Variants in CRAMP1 observed in about 807,000 individuals in gnomAD.
The protein encoded by CRAMP1 is protein cramped-like.
CRAMP1 carries 50 observed loss-of-function variants against 115.4 expected under a neutral mutation model. The ratio of observed to expected loss-of-function variants is 0.43; its 90% CI spans 0.35 to 0.55. The LOEUF (loss-of-function observed/expected upper bound fraction) is 0.55, where lower values mean the gene tolerates loss of function less well. Ranked by LOEUF, CRAMP1 falls within the 20% of genes least tolerant of loss-of-function variation. CRAMP1 has a pLI of 0.01. For synonymous variants in CRAMP1, 866 were observed against 745.4 expected (o/e 1.16, Z -2.64); for missense variants, 1,679 against 1,721.7 (o/e 0.98, Z 0.44).
rs1039207750 is a variant in CRAMP1, at chr16:1,652,591, TG to T, written c.913+14del. The T allele has an allele frequency of 2.6e-6, 4 of 1,551,594 alleles. No homozygotes were observed. Among genetic ancestry groups the T allele is most frequent in the Admixed American group, 2.0e-5 (1 of 51,058 alleles). Reference sequence around the variant, plus strand: ...CTGTGCGATCCAGATGGTAAGTGAATGGGGCGCTCCCGGGACCAGAGGCGGT... The same window carrying T: ...CTGTGCGATCCAGATGGTAAGTGAATGGGCGCTCCCGGGACCAGAGGCGGT... On this transcript the variant is annotated intron_variant, in intron 7 of 20. Transcript: ENST00000397412.
At chr16:1,647,748 T>TA (rs35279793) in intron 6 of CRAMP1, among the ~76,000 whole-genome samples, 1,383 of 87,598 alleles carry the variant, frequency 0.016, 16 homozygotes, top group East Asian at 0.049. Context: ...GACTCTGCCT[T>TA]AAAAAAAAAA....
At chr16:1,661,251 GTT>G (rs1202622816) in intron 11 of CRAMP1, among the ~76,000 whole-genome samples, 1 of 152,220 alleles carries the variant, frequency 6.6e-6, no homozygotes, top group Non-Finnish European at 1.5e-5. Context: ...GAACCCAGGA[GTT>G]CAAGGCCGCA....
intron 2 of CRAMP1, among the ~76,000 whole-genome samples, chr16:1,617,596 G>A (rs1024620969): frequency 6.6e-6 from 1 of 152,166 alleles, no homozygotes; most frequent in African/African-American, 2.4e-5. Flanking sequence ...GGAATACTTA[G>A]CTCAATCACT....
chr16:1,654,825 C>T (rs1335273318), intron 8 of CRAMP1, among the ~76,000 whole-genome samples: 2 of 152,262 alleles, frequency 1.3e-5, no homozygotes, highest in Admixed American at 6.5e-5. Flanking sequence ...CGCATCAGTA[C>T]TTCATTCCTT....
chr16:1,614,663 C>A lies in CRAMP1; in HGVS notation c.24C>A (p.Gly8=). 7.7e-7 allele frequency: 1 copy of A among 1,290,898 alleles called. No homozygotes were observed. Among genetic ancestry groups the A allele is most frequent in the South Asian group, 2.5e-5 (1 of 39,820 alleles). The allele number at this position is 1,290,898 out of a possible 1,614,324, so 80.0% of individuals were successfully genotyped here. ...GGATGACAGTGAAGTTGGGCGACGG[C>A]GGCAGCGGGGAGGACGGGCTCAAGA... The part of the protein sequence containing the change: MTVKLGD[G]GSGEDGLKKL... The change falls in exon 2 of 21, where the codon GGC becomes GGA. Residue 8 remains glycine (G), a synonymous_variant. Coordinates refer to ENST00000397412, the MANE Select transcript of CRAMP1 (RefSeq NM_020825.4). This position sits in a 1 kb window ranked among gnomAD's most constrained non-coding sequence, Gnocchi z 4.4.
chr16:1,628,356 C>T (rs535646332), intron 3 of CRAMP1, among the ~76,000 whole-genome samples: 20 of 152,304 alleles, frequency 1.3e-4, no homozygotes, highest in African/African-American at 2.4e-4. Context: ...TGGGTTAAAG[C>T]GATTCTCCTG....
chr16:1,662,968 A>G (rs2036845859), intron 13 of CRAMP1, 133 bp downstream of exon 13: 1 of 654,370 alleles, frequency 1.5e-6, no homozygotes, highest in Non-Finnish European at 2.6e-6. Context: ...TCTTGTGAGT[A>G]GGGTAAAAAT....
chr16:1,659,545 A>C (rs537163735), intron 10 of CRAMP1, among the ~76,000 whole-genome samples: 1 of 151,326 alleles, frequency 6.6e-6, no homozygotes, highest in East Asian at 1.9e-4. Flanking sequence ...CCACCACCAC[A>C]CCCGGCTAAT....
chr16:1,652,486 CTT>C lies in CRAMP1; in HGVS notation c.828-7_828-6del. ...CAGGCCTCAGCGTTCCTTCAAAACT[CTT>C]TTCCCAGGGCCACCACTGTACGTTA... On this transcript the variant is annotated splice_region_variant and splice_polypyrimidine_tract_variant and intron_variant, in intron 6 of 20. Coordinates refer to ENST00000397412, the MANE Select transcript of CRAMP1 (RefSeq NM_020825.4). 2 of 1,551,200 alleles carry C rather than the reference CTT, an allele frequency of 1.3e-6. No homozygotes were observed. The highest frequency in any genetic ancestry group is 4.9e-5 in the East Asian group (2 of 40,918).
chr16:1,613,553 G>C (rs189410953), intron 1 of CRAMP1, among the ~76,000 whole-genome samples: 1 of 152,146 alleles, frequency 6.6e-6, no homozygotes, highest in African/African-American at 2.4e-5. Flanking sequence ...TGCCCGTCCC[G>C]GACTGTTTCT....
chr16:1,667,950 G>T lies in CRAMP1; in HGVS notation c.3103-12G>T, dbSNP rs753541085. 1 of 1,559,266 alleles carries T rather than the reference G, an allele frequency of 6.4e-7. No homozygotes were observed. Among genetic ancestry groups the T allele is most frequent in the African/African-American group, 1.4e-5 (1 of 73,552 alleles). On this transcript the variant is annotated splice_polypyrimidine_tract_variant and intron_variant, in intron 17 of 20. Transcript: ENST00000397412. ...ACCTGGTTGTGTCTGAAAAATACCT[G>T]TCTCCCAGCAGGGCTCATCTGTTCT...
At chr16:1,616,155 T>C (rs569567641) in intron 2 of CRAMP1, among the ~76,000 whole-genome samples, 2 of 152,362 alleles carry the variant, frequency 1.3e-5, no homozygotes, top group East Asian at 1.9e-4. Context: ...TTGCCTCATA[T>C]GAATTTATTT....
chr16:1,656,396 C>A lies in CRAMP1; in HGVS notation c.1639C>A (p.Gln547Lys). The A allele has an allele frequency of 6.3e-7, 1 of 1,593,994 alleles. No homozygotes were observed. The highest frequency in any genetic ancestry group is 2.3e-5 in the East Asian group (1 of 43,780). ...EPGALPCACG[Q>K]LPDLEDELSL... ...AGGGGCCTTGCCGTGTGCCTGTGGC[C>A]AGCTCCCAGACCTGGAGGACGAGCT... Residue 547 changes from glutamine to lysine, a missense_variant, in exon 10 of 21, where the codon CAG (glutamine) becomes AAG (lysine). Gln to Lys is a moderately conservative substitution (Grantham distance 53). Coordinates refer to ENST00000397412, the MANE Select transcript of CRAMP1 (RefSeq NM_020825.4). The surrounding 1 kb of genome is among the most constrained non-coding windows in gnomAD (Gnocchi z 5.6).
chr16:1,648,657 G>A (rs1596490931), intron 6 of CRAMP1, among the ~76,000 whole-genome samples: 1 of 151,730 alleles, frequency 6.6e-6, no homozygotes, highest in Non-Finnish European at 1.5e-5. Context: ...TTTGACCAAT[G>A]TTTCCCCTGG....
intron 3 of CRAMP1, among the ~76,000 whole-genome samples, chr16:1,627,947 C>T (rs765154808): frequency 2.2e-4 from 34 of 152,262 alleles, no homozygotes; most frequent in Non-Finnish European, 4.0e-4. Context: ...AGACTGTAGC[C>T]TCTGCAAGAG....
chr16:1,662,857 A>G (rs372126786), intron 13 of CRAMP1, 22 bp downstream of exon 13: 1 of 1,606,386 alleles, frequency 6.2e-7, no homozygotes, highest in Non-Finnish European at 8.5e-7. Context: ...CTCAAGTCTG[A>G]ACGTGTGGCC....
intron 5 of CRAMP1, among the ~76,000 whole-genome samples, chr16:1,640,144 T>C (rs778108035): frequency 6.6e-6 from 1 of 152,242 alleles, no homozygotes; most frequent in Non-Finnish European, 1.5e-5. Context: ...TCTGGCTTTG[T>C]TTCCTTTCTT....
At chr16:1,632,414 C>T (rs1426716899) in intron 4 of CRAMP1, 49 bp downstream of exon 4, 1 of 1,534,156 alleles carries the variant, frequency 6.5e-7, no homozygotes, top group East Asian at 2.4e-5. Context: ...GCAGGGCCGG[C>T]TTCTGCTCAG....
At chr16:1,617,225 G>A (rs901439834) in intron 2 of CRAMP1, among the ~76,000 whole-genome samples, 2 of 152,150 alleles carry the variant, frequency 1.3e-5, no homozygotes, top group African/African-American at 4.8e-5. Context: ...GAACTTCTCG[G>A]CCACTGTCTG....
Sources: gnomAD v4.1 joint callset for allele counts (sites outside exome capture counted in the v4.1 genomes callset) on GRCh38, gnomAD v4.1.1 for gene constraint, Gnocchi (gnomAD v3.1) non-coding constraint, MANE v1.5 for transcripts, NCBI Gene and HGNC (gene_info 2026-07-23, HGNC 2026-07-21) for gene names.